DIS3L2: variants seen among roughly 807,000 people sequenced by gnomAD.
DIS3L2 encodes DIS3-like exonuclease 2.
A neutral mutation model predicts 97.5 loss-of-function variants in DIS3L2; 34 were observed. The ratio of observed to expected loss-of-function variants is 0.35; its 90% CI spans 0.27 to 0.46. The LOEUF (loss-of-function observed/expected upper bound fraction) is 0.46, where lower values mean the gene tolerates loss of function less well. Ranked by LOEUF, DIS3L2 falls within the 20% of genes least tolerant of loss-of-function variation. The pLI, the probability that DIS3L2 is intolerant of heterozygous loss-of-function variation, is 1.00. For missense variants in DIS3L2, 1,038 were observed against 1,146.0 expected (o/e 0.91, Z 1.36); for synonymous variants, 435 against 445.2 (o/e 0.98, Z 0.29).
At chr2:232,254,184 C>T (rs796160952) in intron 12 of DIS3L2, among the ~76,000 whole-genome samples, 9 of 152,234 alleles carry the variant, frequency 5.9e-5, no homozygotes, top group African/African-American at 2.2e-4. Context: ...ATAGATTTTC[C>T]TGAATTGGGA....
intron 5 of DIS3L2, among the ~76,000 whole-genome samples, chr2:232,033,263 T>C (rs1694860740): frequency 1.3e-5 from 2 of 152,138 alleles, no homozygotes; most frequent in South Asian, 4.1e-4. Flanking sequence ...AGTTTGCTCA[T>C]GATTTGGCAC....
At chr2:232,036,924 G>A (rs1694964939) in intron 5 of DIS3L2, among the ~76,000 whole-genome samples, 1 of 152,192 alleles carries the variant, frequency 6.6e-6, no homozygotes, top group Admixed American at 6.5e-5. Flanking sequence ...CCCGCCAGAT[G>A]CCAGCTGGAG....
At chr2:232,083,053 G>A (rs954568761) in intron 5 of DIS3L2, among the ~76,000 whole-genome samples, 6 of 90,984 alleles carry the variant, frequency 6.6e-5, no homozygotes, top group Admixed American at 1.5e-4. Context: ...CATGAGAACA[G>A]CACAGGAAAG....
chr2:232,262,605 T>C (rs1021038949), intron 12 of DIS3L2, among the ~76,000 whole-genome samples: 2 of 152,208 alleles, frequency 1.3e-5, no homozygotes, highest in African/African-American at 2.4e-5. Context: ...TTTTATAATA[T>C]ACAGTTCAGC....
At chr2:232,161,146 GACCTCATGAT>G (rs1375664134) in intron 8 of DIS3L2, among the ~76,000 whole-genome samples, 1 of 152,084 alleles carries the variant, frequency 6.6e-6, no homozygotes, top group Non-Finnish European at 1.5e-5. Flanking sequence ...TCAATCTCTT[GACCTCATGAT>G]CCTCCTGCCT....
At position 232,037,583 on chromosome 2, in the gene DIS3L2, G is replaced by A. The variant is rs776305887; in HGVS notation, c.366+7503G>A. 2.0e-5 allele frequency among the ~76,000 whole-genome samples: 3 copies of A among 151,842 alleles called. No individual in the cohort carries two copies. The highest frequency in any genetic ancestry group is 2.4e-5 in the African/African-American group (1 of 41,340). ...GGTATACCAGGAGTCACTGGGGTAC[G>A]AAAAAAAACTCCTGCAGCTAGCTCG... On this transcript the variant is annotated intron_variant, in intron 5 of 20. Coordinates refer to ENST00000325385, the MANE Select transcript of DIS3L2 (RefSeq NM_152383.5). This position sits in a 1 kb window ranked among gnomAD's most constrained non-coding sequence, Gnocchi z 4.6.
chr2:232,032,351 G>A (rs1574825856), intron 5 of DIS3L2, among the ~76,000 whole-genome samples: 1 of 151,320 alleles, frequency 6.6e-6, no homozygotes, highest in South Asian at 2.1e-4. Flanking sequence ...CTTTTTGATG[G>A]TTTGTTTTCT....
At chr2:232,272,226 T>C (rs1169275598) in intron 13 of DIS3L2, among the ~76,000 whole-genome samples, 2 of 152,210 alleles carry the variant, frequency 1.3e-5, no homozygotes, top group African/African-American at 4.8e-5. Context: ...AGAGGTGATA[T>C]CCGACCAGTA....
At chr2:232,277,694 T>G (rs1278322082) in intron 13 of DIS3L2, among the ~76,000 whole-genome samples, 1 of 152,214 alleles carries the variant, frequency 6.6e-6, no homozygotes, top group Non-Finnish European at 1.5e-5. Context: ...AGTCACACAT[T>G]GCTTAATGAC....
chr2:232,187,775 G>T (rs1691481382), intron 9 of DIS3L2, among the ~76,000 whole-genome samples: 1 of 152,152 alleles, frequency 6.6e-6, no homozygotes, highest in Non-Finnish European at 1.5e-5. Context: ...ATGGAAACAG[G>T]CCAGGCTTAG....
chr2:232,133,031 G>A (rs899622255), intron 7 of DIS3L2, among the ~76,000 whole-genome samples: 4 of 152,168 alleles, frequency 2.6e-5, no homozygotes, highest in African/African-American at 9.7e-5. Flanking sequence ...CATTAGCAAG[G>A]GAGATCTGGT....
chr2:232,068,531 A>G (rs1695918278), intron 5 of DIS3L2, among the ~76,000 whole-genome samples: 1 of 151,798 alleles, frequency 6.6e-6, no homozygotes, highest in Non-Finnish European at 1.5e-5. Context: ...ACAATGAGCC[A>G]TGATTGTGTC....
intron 5 of DIS3L2, among the ~76,000 whole-genome samples, chr2:232,057,099 C>A (rs893069340): frequency 3.9e-5 from 6 of 152,124 alleles, no homozygotes; most frequent in African/African-American, 1.4e-4. Flanking sequence ...TCAACTACAG[C>A]AATGTGCAGC....
At chr2:232,279,655 A>G (rs1694233276) in intron 13 of DIS3L2, among the ~76,000 whole-genome samples, 1 of 152,038 alleles carries the variant, frequency 6.6e-6, no homozygotes, top group Non-Finnish European at 1.5e-5. Context: ...CAGCCTCCCA[A>G]GTAGCTGGGA....
intron 9 of DIS3L2, among the ~76,000 whole-genome samples, chr2:232,171,798 T>G (rs1307111817): frequency 5.3e-5 from 8 of 152,180 alleles, no homozygotes; most frequent in African/African-American, 1.9e-4. Context: ...TGGACCTTCT[T>G]AATTGTAAGT....
chr2:232,088,326 C>T (rs1376862394), intron 6 of DIS3L2, among the ~76,000 whole-genome samples: 1 of 145,262 alleles, frequency 6.9e-6, no homozygotes, highest in Admixed American at 7.2e-5. Context: ...GTGGGCGGAT[C>T]ACGAGGTCAG....
intron 14 of DIS3L2, among the ~76,000 whole-genome samples, chr2:232,322,927 T>C (rs1283219247): frequency 6.6e-6 from 1 of 152,206 alleles, no homozygotes; most frequent in Non-Finnish European, 1.5e-5. Flanking sequence ...CTGTTCTTGC[T>C]CCAAGTCTAC....
At chr2:232,200,531 T>C (rs888497343) in intron 9 of DIS3L2, among the ~76,000 whole-genome samples, 1 of 152,104 alleles carries the variant, frequency 6.6e-6, no homozygotes, top group Non-Finnish European at 1.5e-5. Flanking sequence ...GGAAAATTTA[T>C]GTATCAAAAA....
At chr2:232,088,498 C>T (rs1055331532) in intron 6 of DIS3L2, among the ~76,000 whole-genome samples, 1 of 150,174 alleles carries the variant, frequency 6.7e-6, no homozygotes, top group Non-Finnish European at 1.5e-5. Flanking sequence ...GGTGGTGGAG[C>T]TTGCGGTGAG....
Sources: gnomAD v4.1 joint callset for allele counts (sites outside exome capture counted in the v4.1 genomes callset) on GRCh38, gnomAD v4.1.1 for gene constraint, Gnocchi (gnomAD v3.1) non-coding constraint, MANE v1.5 for transcripts, NCBI Gene and HGNC (gene_info 2026-07-23, HGNC 2026-07-21) for gene names.